NELL1: variants seen among roughly 807,000 people sequenced by gnomAD.
NELL1 encodes the protein neural EGFL like 1.
A neutral mutation model predicts 107.4 loss-of-function variants in NELL1; 76 were observed. That is an observed-to-expected ratio of 0.71 (90% CI 0.59 to 0.86). The LOEUF (loss-of-function observed/expected upper bound fraction) is 0.86. Ranked by LOEUF, NELL1 falls within the 40% of genes least tolerant of loss-of-function variation. NELL1 has a pLI of 0.00. For synonymous variants in NELL1, 353 were observed against 341.2 expected (o/e 1.03, Z -0.38); for missense variants, 1,024 against 1,005.5 (o/e 1.02, Z -0.25).
At chr11:21,251,873 C>G (rs967032934) in intron 14 of NELL1, among the ~76,000 whole-genome samples, 2 of 151,992 alleles carry the variant, frequency 1.3e-5, no homozygotes, top group Admixed American at 6.6e-5. Context: ...GTTACATACA[C>G]TAAGATGAAG....
chr11:20,898,085 A>T (rs1849789408), intron 5 of NELL1, among the ~76,000 whole-genome samples: 1 of 152,210 alleles, frequency 6.6e-6, no homozygotes, highest in Non-Finnish European at 1.5e-5. Context: ...TACCCAAAGG[A>T]TTATAAATCA....
intron 13 of NELL1, among the ~76,000 whole-genome samples, chr11:21,217,619 T>C (rs1162230180): frequency 6.6e-6 from 1 of 152,200 alleles, no homozygotes; most frequent in African/African-American, 2.4e-5. Context: ...TTTATGTGCT[T>C]ATAGGAAAAG....
At chr11:20,679,042 G>T (rs1201667071) in intron 2 of NELL1, among the ~76,000 whole-genome samples, 3 of 152,218 alleles carry the variant, frequency 2.0e-5, no homozygotes, top group African/African-American at 7.2e-5. Flanking sequence ...CATGGCGGAA[G>T]GGTGGTGAAT....
At chr11:21,218,851 T>C (rs1219639203) in intron 13 of NELL1, among the ~76,000 whole-genome samples, 2 of 152,220 alleles carry the variant, frequency 1.3e-5, no homozygotes, top group Non-Finnish European at 2.9e-5. Context: ...TAGTATTCCA[T>C]TGTGTATACA....
At chr11:21,468,730 A>T (rs1031259881) in intron 15 of NELL1, among the ~76,000 whole-genome samples, 2 of 152,076 alleles carry the variant, frequency 1.3e-5, no homozygotes, top group African/African-American at 4.8e-5. Context: ...TGGGAAGTGG[A>T]TGGGGTGTAG....
intron 15 of NELL1, among the ~76,000 whole-genome samples, chr11:21,469,865 G>C (rs756994475): frequency 4.6e-5 from 7 of 152,002 alleles, no homozygotes; most frequent in Non-Finnish European, 1.0e-4. Flanking sequence ...TTTAGAAAGA[G>C]ATTAAATCTC....
intron 12 of NELL1, among the ~76,000 whole-genome samples, chr11:21,010,317 T>C (rs1456611200): frequency 6.6e-6 from 1 of 152,096 alleles, no homozygotes; most frequent in Non-Finnish European, 1.5e-5. Context: ...ATTTATTATC[T>C]ATTGCCTTTC....
intron 2 of NELL1, among the ~76,000 whole-genome samples, chr11:20,680,100 C>T (rs939302919): frequency 6.6e-6 from 1 of 152,022 alleles, no homozygotes; most frequent in African/African-American, 2.4e-5. Flanking sequence ...GCTTATATCC[C>T]CTGTGATTAT....
intron 2 of NELL1, among the ~76,000 whole-genome samples, chr11:20,733,869 T>C (rs940616244): frequency 6.6e-6 from 1 of 152,236 alleles, no homozygotes; most frequent in Non-Finnish European, 1.5e-5. Context: ...GTCTTTGCCC[T>C]CATGGACTTT....
intron 2 of NELL1, among the ~76,000 whole-genome samples, chr11:20,681,462 A>G (rs1854188223): frequency 6.6e-6 from 1 of 151,950 alleles, no homozygotes; most frequent in Non-Finnish European, 1.5e-5. Flanking sequence ...CTTTGCTGGG[A>G]CCACTTTTAA....
At chr11:20,676,550 T>G (rs1267618484) in intron 1 of NELL1, among the ~76,000 whole-genome samples, 1 of 152,226 alleles carries the variant, frequency 6.6e-6, no homozygotes, top group African/African-American at 2.4e-5. Flanking sequence ...GAGAAGGCAG[T>G]TATAGACATT....
At chr11:21,178,680 C>T (rs1856760734) in intron 13 of NELL1, among the ~76,000 whole-genome samples, 1 of 151,176 alleles carries the variant, frequency 6.6e-6, no homozygotes, top group South Asian at 2.1e-4. Context: ...GAGAGGATGG[C>T]CTGAGCCCAA....
intron 13 of NELL1, among the ~76,000 whole-genome samples, chr11:21,147,959 T>C (rs2133781700): frequency 6.6e-6 from 1 of 152,064 alleles, no homozygotes; most frequent in South Asian, 2.1e-4. Flanking sequence ...TAATGGAAAG[T>C]TAAGCTACGC....
chr11:21,205,254 G>T (rs1000396165), intron 13 of NELL1, among the ~76,000 whole-genome samples: 18 of 152,120 alleles, frequency 1.2e-4, no homozygotes, highest in East Asian at 3.9e-4. Flanking sequence ...GGAGATGGGG[G>T]TTTTATCTTT....
At chr11:20,784,102 C>A (rs1465212542) in intron 3 of NELL1, among the ~76,000 whole-genome samples, 1 of 152,186 alleles carries the variant, frequency 6.6e-6, no homozygotes, top group African/African-American at 2.4e-5. Context: ...ATTTAGTCAT[C>A]AAGCAAGTTA....
chr11:21,259,911 A>G (rs1452478869), intron 14 of NELL1: 1 of 151,908 alleles, frequency 6.6e-6, no homozygotes, highest in African/African-American at 2.4e-5. Context: ...ATATGTGAGC[A>G]ATAAATTTGA....
chr11:21,227,707 CA>C (rs1238618413), intron 13 of NELL1, among the ~76,000 whole-genome samples: 1 of 152,156 alleles, frequency 6.6e-6, no homozygotes, highest in Non-Finnish European at 1.5e-5. Context: ...AGTGTGTCCT[CA>C]GAAATCTTAT....
chr11:20,690,417 T>A (rs1366628497), intron 2 of NELL1, among the ~76,000 whole-genome samples: 1 of 152,206 alleles, frequency 6.6e-6, no homozygotes, highest in Non-Finnish European at 1.5e-5. Flanking sequence ...TGGTTTTAGG[T>A]CTAATGTTTA....
At chr11:20,971,221 C>G (rs892524797) in intron 12 of NELL1, among the ~76,000 whole-genome samples, 1 of 152,102 alleles carries the variant, frequency 6.6e-6, no homozygotes, top group Non-Finnish European at 1.5e-5. Context: ...CTTAAAAAAT[C>G]ATGCTGAGAC....
Sources: gnomAD v4.1 joint callset for allele counts (sites outside exome capture counted in the v4.1 genomes callset) on GRCh38, gnomAD v4.1.1 for gene constraint, MANE v1.5 for transcripts, NCBI Gene and HGNC (gene_info 2026-07-23, HGNC 2026-07-21) for gene names.